The following GPC6 variants were observed in gnomAD, a reference collection of about 807,000 sequenced individuals.
GPC6 encodes the protein glypican 6.
GPC6 carries 14 observed loss-of-function variants against 55.2 expected under a neutral mutation model. The ratio of observed to expected loss-of-function variants is 0.25; its 90% CI spans 0.17 to 0.40. The LOEUF is 0.40. GPC6 is among the 10% of genes least tolerant of loss of function. GPC6 has a pLI of 1.00. For synonymous variants in GPC6, 278 were observed against 259.6 expected (o/e 1.07, Z -0.68); for missense variants, 641 against 708.5 (o/e 0.90, Z 1.08).
chr13:94,029,335 T>G (rs1883025231), intron 4 of GPC6, among the ~76,000 whole-genome samples: 2 of 152,198 alleles, frequency 1.3e-5, no homozygotes, highest in South Asian at 4.1e-4. Context: ...ATTTGAAAAA[T>G]GAAGGAATTT....
chr13:93,592,416 A>T (rs963436006), intron 2 of GPC6, among the ~76,000 whole-genome samples: 4 of 147,268 alleles, frequency 2.7e-5, no homozygotes, highest in Non-Finnish European at 6.0e-5. Context: ...TAAATATATA[A>T]ATATATATAT....
intron 5 of GPC6, among the ~76,000 whole-genome samples, chr13:94,290,011 A>G (rs375907063): frequency 1.3e-5 from 2 of 152,092 alleles, no homozygotes; most frequent in African/African-American, 4.8e-5. Context: ...TTTCCCCACT[A>G]TGTTGATGTT....
At chr13:93,730,817 G>C (rs1276723755) in intron 2 of GPC6, among the ~76,000 whole-genome samples, 10 of 152,170 alleles carry the variant, frequency 6.6e-5, no homozygotes, top group Non-Finnish European at 5.9e-5. Context: ...CTCAGAACTT[G>C]AGAGTTTTTA....
chr13:93,414,193 T>C (rs1180630038), intron 1 of GPC6, among the ~76,000 whole-genome samples: 1 of 152,142 alleles, frequency 6.6e-6, no homozygotes, highest in Non-Finnish European at 1.5e-5. Context: ...ACTTCTGCTT[T>C]GTTCATGTAC....
intron 1 of GPC6, among the ~76,000 whole-genome samples, chr13:93,422,172 A>G (rs2038727): frequency 0.2 from 29,810 of 152,032 alleles, 3,724 homozygotes; most frequent in East Asian, 0.48. Context: ...TTCCCCCACG[A>G]TTATTCCATC....
intron 2 of GPC6, among the ~76,000 whole-genome samples, chr13:93,566,330 A>G (rs991713333): frequency 1.3e-5 from 2 of 152,246 alleles, no homozygotes; most frequent in Non-Finnish European, 2.9e-5. Flanking sequence ...GAATATTGTT[A>G]GTGTTTTTAT....
At chr13:94,066,256 C>A (rs1428142686) in intron 4 of GPC6, among the ~76,000 whole-genome samples, 1 of 152,118 alleles carries the variant, frequency 6.6e-6, no homozygotes, top group African/African-American at 2.4e-5. Context: ...GCCTTATTAT[C>A]CAATTATTCA....
chr13:94,153,964 A>T (rs1887835395), intron 4 of GPC6, among the ~76,000 whole-genome samples: 1 of 152,182 alleles, frequency 6.6e-6, no homozygotes, highest in South Asian at 2.1e-4. Context: ...ATGAAAAAAT[A>T]CTATATAAGA....
chr13:93,634,109 T>C (rs1378779931), intron 2 of GPC6, among the ~76,000 whole-genome samples: 1 of 152,212 alleles, frequency 6.6e-6, no homozygotes, highest in Admixed American at 6.6e-5. Context: ...TCGAAGAGGA[T>C]ATGAAAACTG....
intron 1 of GPC6, among the ~76,000 whole-genome samples, chr13:93,309,904 T>TG (rs1879007479): frequency 6.6e-6 from 1 of 152,194 alleles, no homozygotes; most frequent in African/African-American, 2.4e-5. Flanking sequence ...GTTAAGAGCA[T>TG]CTACTTGTAT....
At chr13:93,229,028 C>A (rs1875918773) in intron 1 of GPC6, among the ~76,000 whole-genome samples, 1 of 152,178 alleles carries the variant, frequency 6.6e-6, no homozygotes, top group Admixed American at 6.5e-5. Context: ...CAGAGCCAGA[C>A]ATTCCCTTTG....
intron 1 of GPC6, among the ~76,000 whole-genome samples, chr13:93,371,229 C>T (rs967957724): frequency 6.6e-6 from 1 of 151,876 alleles, no homozygotes; most frequent in African/African-American, 2.4e-5. Context: ...GAGGATGAAG[C>T]TTGGCAGGGG....
At chr13:93,395,987 G>T (rs1875840580) in intron 1 of GPC6, 1 of 152,066 alleles carries the variant, frequency 6.6e-6, no homozygotes, top group South Asian at 2.1e-4. Flanking sequence ...AATGCCTTAG[G>T]GAACTTGTCC....
intron 1 of GPC6, among the ~76,000 whole-genome samples, chr13:93,253,276 C>G (rs1245125987): frequency 6.6e-6 from 1 of 152,084 alleles, no homozygotes; most frequent in Non-Finnish European, 1.5e-5. Context: ...AATTGTACTG[C>G]CTTTTGAATG....
chr13:93,723,382 T>A (rs1030109039), intron 2 of GPC6, among the ~76,000 whole-genome samples: 1 of 151,964 alleles, frequency 6.6e-6, no homozygotes, highest in African/African-American at 2.4e-5. Context: ...CCTGCTGTAA[T>A]CCCCTTACTT....
chr13:94,010,292 A>G (rs1882194262), intron 3 of GPC6, among the ~76,000 whole-genome samples: 1 of 152,208 alleles, frequency 6.6e-6, no homozygotes, highest in African/African-American at 2.4e-5. Context: ...TGTGATAAGT[A>G]CATTTGATAT....
chr13:93,255,412 G>C (rs1450185483), intron 1 of GPC6, among the ~76,000 whole-genome samples: 1 of 152,028 alleles, frequency 6.6e-6, no homozygotes, highest in Non-Finnish European at 1.5e-5. Context: ...TCACCATACT[G>C]ATCTAACACT....
intron 1 of GPC6, among the ~76,000 whole-genome samples, chr13:93,503,219 T>C (rs1346405948): frequency 6.6e-6 from 1 of 152,160 alleles, no homozygotes; most frequent in Non-Finnish European, 1.5e-5. Context: ...GGAAGCTTAT[T>C]GCTACCAAGT....
chr13:94,014,368 T>A (rs1882372994), intron 3 of GPC6, among the ~76,000 whole-genome samples: 1 of 152,208 alleles, frequency 6.6e-6, no homozygotes, highest in African/African-American at 2.4e-5. Flanking sequence ...GATCGTTTCT[T>A]TTTTGATATA....
Sources: allele counts gnomAD v4.1 joint callset (sites outside exome capture counted in the v4.1 genomes callset), GRCh38; gene constraint gnomAD v4.1.1; transcripts MANE v1.5; gene names NCBI Gene and HGNC (gene_info 2026-07-23, HGNC 2026-07-21).